Variants in TMEM132C observed in about 807,000 individuals in gnomAD.
The protein encoded by TMEM132C is protein phosphatase 1, regulatory subunit 152.
TMEM132C carries 29 observed loss-of-function variants against 61.4 expected under a neutral mutation model. That is an observed-to-expected ratio of 0.47 (90% CI 0.35 to 0.64). The LOEUF (loss-of-function observed/expected upper bound fraction) is 0.64, where lower values mean the gene tolerates loss of function less well. TMEM132C is among the 30% of genes least tolerant of loss of function. The pLI is 0.00. For missense variants in TMEM132C, 1,408 were observed against 1,476.9 expected (o/e 0.95, Z 0.76); for synonymous variants, 656 against 633.1 (o/e 1.04, Z -0.54).
At chr12:128,573,765 C>T (rs1441105216) in intron 3 of TMEM132C, among the ~76,000 whole-genome samples, 1 of 151,954 alleles carries the variant, frequency 6.6e-6, no homozygotes, top group African/African-American at 2.4e-5. Flanking sequence ...TGAAAAAGTT[C>T]TTGAGGCAGA....
intron 2 of TMEM132C, among the ~76,000 whole-genome samples, chr12:128,421,330 G>A (rs1231801808): frequency 1.3e-5 from 2 of 152,152 alleles, no homozygotes; most frequent in African/African-American, 4.8e-5. Context: ...TATGGCTGCC[G>A]GTTAGATCAC....
chr12:128,416,209 C>T (rs1593045709), intron 2 of TMEM132C, among the ~76,000 whole-genome samples: 1 of 152,060 alleles, frequency 6.6e-6, no homozygotes, highest in East Asian at 1.9e-4. Context: ...TACAAATAAA[C>T]AAAGCAGCAG....
At position 128,300,681 on chromosome 12, in the gene TMEM132C, A is replaced by G. The variant is rs59935931; in HGVS notation, c.85+33194A>G. 7.5e-4 allele frequency among the ~76,000 whole-genome samples: 114 copies of G among 152,284 alleles called. 1 individual carries two copies. The East Asian group carries it at 8.5e-3, about 11-fold the overall frequency. On this transcript the variant is annotated intron_variant, in intron 1 of 8. Coordinates refer to ENST00000435159, the MANE Select transcript of TMEM132C (RefSeq NM_001136103.3). ...CTGGACCAAGAAGATGTGCTTCCCT[A>G]GAAATATGGAATCTTGGCTGATACC...
chr12:128,300,591 A>G (rs1566048173), intron 1 of TMEM132C, among the ~76,000 whole-genome samples: 1 of 152,114 alleles, frequency 6.6e-6, no homozygotes, highest in African/African-American at 2.4e-5. Flanking sequence ...AAGCAGCCGT[A>G]TTTTCCATAA....
chr12:128,507,951 G>T (rs188451078), intron 2 of TMEM132C, among the ~76,000 whole-genome samples: 13 of 152,224 alleles, frequency 8.5e-5, no homozygotes, highest in African/African-American at 2.2e-4. Context: ...TTTCACCCAG[G>T]TACTAACATA....
chr12:128,471,952 A>G (rs77387071), intron 2 of TMEM132C, among the ~76,000 whole-genome samples: 4,745 of 152,306 alleles, frequency 0.031, 232 homozygotes, highest in African/African-American at 0.11. Flanking sequence ...TTAGTTAGGT[A>G]TGAAGAGCAG....
chr12:128,617,874 G>T (rs1876865319), intron 4 of TMEM132C, among the ~76,000 whole-genome samples: 1 of 152,242 alleles, frequency 6.6e-6, no homozygotes, highest in Admixed American at 6.5e-5. Context: ...GGAAGTCAGA[G>T]AATGATTCCT....
At chr12:128,448,940 A>G (rs947991413) in intron 2 of TMEM132C, among the ~76,000 whole-genome samples, 2 of 151,950 alleles carry the variant, frequency 1.3e-5, no homozygotes, top group African/African-American at 4.8e-5. Flanking sequence ...GATCGAGACC[A>G]TCCTGGCTAA....
chr12:128,626,508 G>A (rs1026768300), intron 4 of TMEM132C, among the ~76,000 whole-genome samples: 20 of 138,264 alleles, frequency 1.4e-4, no homozygotes, highest in African/African-American at 6.0e-4. Context: ...GCAGTGGTGT[G>A]ATCTCGGCTC....
intron 1 of TMEM132C, among the ~76,000 whole-genome samples, chr12:128,318,816 G>A (rs1872232071): frequency 6.6e-6 from 1 of 152,200 alleles, no homozygotes; most frequent in South Asian, 2.1e-4. Context: ...ACTGGCATAT[G>A]CTTTCATGAC....
At chr12:128,384,095 G>A (rs529276461) in intron 1 of TMEM132C, among the ~76,000 whole-genome samples, 36 of 152,280 alleles carry the variant, frequency 2.4e-4, no homozygotes, top group African/African-American at 8.7e-4. Context: ...AAAAAGAGGT[G>A]GTCAGGTTCC....
intron 1 of TMEM132C, among the ~76,000 whole-genome samples, chr12:128,356,946 A>G (rs902510380): frequency 3.3e-5 from 5 of 152,192 alleles, no homozygotes; most frequent in Non-Finnish European, 7.3e-5. Flanking sequence ...CGAAAATCTC[A>G]TTTATATTTA....
chr12:128,654,817 CAG>C (rs1482571742), intron 4 of TMEM132C, among the ~76,000 whole-genome samples: 1 of 152,200 alleles, frequency 6.6e-6, no homozygotes, highest in African/African-American at 2.4e-5. Context: ...ACAGAGGTGA[CAG>C]AGAAGGCGTA....
chr12:128,521,001 T>G (rs1872887626), intron 2 of TMEM132C, among the ~76,000 whole-genome samples: 1 of 152,082 alleles, frequency 6.6e-6, no homozygotes, highest in Non-Finnish European at 1.5e-5. Flanking sequence ...GAAAGGAATG[T>G]GCTTATTAAG....
chr12:128,513,380 C>A (rs983060448), intron 2 of TMEM132C, among the ~76,000 whole-genome samples: 3 of 152,106 alleles, frequency 2.0e-5, no homozygotes, highest in Non-Finnish European at 4.4e-5. Context: ...GGTTAATATG[C>A]CGAGATATAA....
chr12:128,664,446 C>G (rs1954436655), intron 4 of TMEM132C, among the ~76,000 whole-genome samples: 1 of 152,140 alleles, frequency 6.6e-6, no homozygotes, highest in Non-Finnish European at 1.5e-5. Context: ...GAACAGTTCT[C>G]TGATTTATGA....
chr12:128,583,182 T>C (rs1483659307), intron 3 of TMEM132C, among the ~76,000 whole-genome samples: 1 of 152,218 alleles, frequency 6.6e-6, no homozygotes, highest in African/African-American at 2.4e-5. Context: ...TCTTTGATCT[T>C]ATACTCCTAA....
chr12:128,337,107 AAG>A (rs1367022762), intron 1 of TMEM132C, among the ~76,000 whole-genome samples: 5 of 152,338 alleles, frequency 3.3e-5, no homozygotes. Context: ...ATTAGGCTTA[AAG>A]AGAGAGAACT....
chr12:128,396,916 A>C (rs1874977744), intron 1 of TMEM132C, among the ~76,000 whole-genome samples: 1 of 152,166 alleles, frequency 6.6e-6, no homozygotes, highest in Non-Finnish European at 1.5e-5. Flanking sequence ...CTCTTCTATT[A>C]TTTCCAATCA....
Sources: gnomAD v4.1 joint callset for allele counts (sites outside exome capture counted in the v4.1 genomes callset) on GRCh38, gnomAD v4.1.1 for gene constraint, MANE v1.5 for transcripts, NCBI Gene and HGNC (gene_info 2026-07-23, HGNC 2026-07-21) for gene names.